The following DLG2 variants were observed in gnomAD, a reference collection of about 807,000 sequenced individuals.
The protein encoded by DLG2 is discs large MAGUK scaffold protein 2, also known as disks large homolog 2.
A neutral mutation model predicts 132.5 loss-of-function variants in DLG2; 45 were observed. That is an observed-to-expected ratio of 0.34 (90% CI 0.27 to 0.44). The LOEUF is 0.44. DLG2 is among the 20% of genes least tolerant of loss of function. The probability of loss-of-function intolerance (pLI) is 1.00; values close to 1 mark genes in which losing one functional copy is unlikely to be tolerated. For synonymous variants in DLG2, 424 were observed against 419.6 expected (o/e 1.01, Z -0.13); for missense variants, 1,045 against 1,196.9 (o/e 0.87, Z 1.87).
intron 19 of DLG2, among the ~76,000 whole-genome samples, chr11:83,622,171 G>A (rs2061733637): frequency 6.6e-6 from 1 of 152,018 alleles, no homozygotes; most frequent in Non-Finnish European, 1.5e-5. Context: ...CAAGTTATCT[G>A]CCCACCCCAG....
At chr11:85,380,334 T>C (rs1030910734) in intron 3 of DLG2, among the ~76,000 whole-genome samples, 2 of 152,234 alleles carry the variant, frequency 1.3e-5, no homozygotes, top group Non-Finnish European at 2.9e-5. Flanking sequence ...AGGTAAATTC[T>C]GGTCAACTAT....
intron 7 of DLG2, among the ~76,000 whole-genome samples, chr11:84,366,810 A>G (rs1297683650): frequency 1.3e-5 from 2 of 152,172 alleles, no homozygotes; most frequent in Non-Finnish European, 2.9e-5. Flanking sequence ...AGATTCATAA[A>G]GCAAGTCCTG....
intron 6 of DLG2, among the ~76,000 whole-genome samples, chr11:84,585,982 C>G (rs897838137): frequency 6.6e-6 from 1 of 152,070 alleles, no homozygotes; most frequent in African/African-American, 2.4e-5. Flanking sequence ...GAAACCCTGT[C>G]TCTACTAAAA....
At chr11:84,778,133 CG>C (rs1565936885) in intron 6 of DLG2, among the ~76,000 whole-genome samples, 1 of 151,972 alleles carries the variant, frequency 6.6e-6, no homozygotes, top group Non-Finnish European at 1.5e-5. Flanking sequence ...TTTTGGTATA[CG>C]GCCAGAGATA....
chr11:85,487,706 T>C (rs2093461520), intron 3 of DLG2, among the ~76,000 whole-genome samples: 1 of 152,150 alleles, frequency 6.6e-6, no homozygotes, highest in African/African-American at 2.4e-5. Context: ...TTACAAATTA[T>C]TGGTAGTTCC....
At chr11:84,899,593 A>G (rs1396904325) in intron 6 of DLG2, among the ~76,000 whole-genome samples, 1 of 152,060 alleles carries the variant, frequency 6.6e-6, no homozygotes, top group Non-Finnish European at 1.5e-5. Context: ...GGAAGCACCA[A>G]TATTATTGGT....
intron 4 of DLG2, among the ~76,000 whole-genome samples, chr11:85,258,075 G>A (rs1658812211): frequency 6.6e-6 from 1 of 152,108 alleles, no homozygotes; most frequent in African/African-American, 2.4e-5. Flanking sequence ...TAGCTAAGGG[G>A]CTTCCTCTTC....
intron 6 of DLG2, among the ~76,000 whole-genome samples, chr11:84,616,492 C>T (rs765742136): frequency 6.6e-6 from 1 of 152,048 alleles, no homozygotes; most frequent in Non-Finnish European, 1.5e-5. Flanking sequence ...AGTTTGGTGG[C>T]TTTCTATAAT....
chr11:85,403,471 G>A (rs191668259), intron 3 of DLG2, among the ~76,000 whole-genome samples: 69 of 151,620 alleles, frequency 4.6e-4, no homozygotes, highest in African/African-American at 1.5e-3. Context: ...CACATATACC[G>A]TAGAACTTAA....
chr11:85,407,978 C>T (rs890063550), intron 3 of DLG2, among the ~76,000 whole-genome samples: 10 of 150,992 alleles, frequency 6.6e-5, no homozygotes, highest in African/African-American at 2.4e-4. Context: ...GGATATGGGT[C>T]AGGCACCGAC....
At chr11:85,251,340 A>C (rs1341533330) in intron 4 of DLG2, among the ~76,000 whole-genome samples, 1 of 152,214 alleles carries the variant, frequency 6.6e-6, no homozygotes, top group Non-Finnish European at 1.5e-5. Context: ...AATTATACTT[A>C]ATAATGTAGC....
chr11:84,266,755 C>T (rs943135746), intron 7 of DLG2, among the ~76,000 whole-genome samples: 2 of 152,182 alleles, frequency 1.3e-5, no homozygotes, highest in African/African-American at 4.8e-5. Flanking sequence ...GGATGTGATG[C>T]TGGAGCTCAG....
At chr11:85,108,096 C>T (rs616320) in intron 6 of DLG2, among the ~76,000 whole-genome samples, 79,749 of 151,686 alleles carry the variant, frequency 0.53, 21,508 homozygotes, top group East Asian at 0.65. Flanking sequence ...TGGTGACAGA[C>T]ATTTGCAAAG....
At chr11:83,777,217 T>C (rs1393435666) in intron 18 of DLG2, among the ~76,000 whole-genome samples, 3 of 152,208 alleles carry the variant, frequency 2.0e-5, no homozygotes, top group Non-Finnish European at 2.9e-5. Context: ...CTTTTAGCAA[T>C]GGGAACATGA....
chr11:84,673,059 G>A (rs1428645895), intron 6 of DLG2, among the ~76,000 whole-genome samples: 1 of 151,830 alleles, frequency 6.6e-6, no homozygotes, highest in Non-Finnish European at 1.5e-5. Flanking sequence ...GCACCAAGGG[G>A]GAAATTGACC....
At chr11:83,912,532 G>A (rs541974828) in intron 15 of DLG2, among the ~76,000 whole-genome samples, 335 of 152,220 alleles carry the variant, frequency 2.2e-3, no homozygotes, top group African/African-American at 6.7e-3. Context: ...TGGCAGGAAC[G>A]ATTTTAATGA....
intron 6 of DLG2, among the ~76,000 whole-genome samples, chr11:84,762,943 G>A (rs1210247065): frequency 1.3e-5 from 2 of 152,016 alleles, no homozygotes; most frequent in African/African-American, 4.8e-5. Flanking sequence ...TAAAGAAAAT[G>A]TTCAACTTAA....
intron 6 of DLG2, among the ~76,000 whole-genome samples, chr11:85,045,312 A>G (rs759460803): frequency 2.0e-5 from 3 of 152,056 alleles, no homozygotes; most frequent in Non-Finnish European, 2.9e-5. Context: ...AATGAGTAAT[A>G]TAGGTAATAT....
In DLG2 at chr11:85,353,085, C is replaced by G. The variant is rs11234334; in HGVS notation, c.41-67720G>C. Among the ~76,000 whole-genome samples the G allele has an allele frequency of 6.1e-3, 921 of 152,042 alleles. 9 individuals carry two copies. Among genetic ancestry groups the G allele is most frequent in the African/African-American group, 0.02 (842 of 41,462 alleles). On this transcript the variant is annotated intron_variant, in intron 3 of 27. Coordinates refer to ENST00000376104, the MANE Select transcript of DLG2 (RefSeq NM_001142699.3). ...ATGGGAGAAAATTTTTGCAATCTAC[C>G]CATCTGACAAAGGGCTAATATCCAG...
Sources: gnomAD v4.1 joint callset for allele counts (sites outside exome capture counted in the v4.1 genomes callset) on GRCh38, gnomAD v4.1.1 for gene constraint, MANE v1.5 for transcripts, NCBI Gene and HGNC (gene_info 2026-07-23, HGNC 2026-07-21) for gene names.